UBN2: variants seen among roughly 807,000 people sequenced by gnomAD.
UBN2 encodes ubinuclein-2.
In UBN2, 35 loss-of-function variants were observed where a neutral mutation model predicts 120.2. The ratio of observed to expected loss-of-function variants is 0.29; its 90% CI spans 0.22 to 0.39. The LOEUF (loss-of-function observed/expected upper bound fraction) is 0.39, where lower values mean the gene tolerates loss of function less well. Ranked by LOEUF, UBN2 falls within the 10% of genes least tolerant of loss-of-function variation. UBN2 has a pLI of 1.00. For missense variants in UBN2, 1,693 were observed against 1,663.2 expected, an observed-to-expected ratio of 1.02 and a Z score of -0.31; for synonymous variants, 661 against 648.7, an observed-to-expected ratio of 1.02 and a Z score of -0.29.
At chr7:139,240,445 TA>T (rs1162175484) in intron 2 of UBN2, among the ~76,000 whole-genome samples, 113 of 40,686 alleles carry the variant, frequency 2.8e-3, no homozygotes, top group Non-Finnish European at 5.3e-3. Flanking sequence ...TATATATATA[TA>T]TATATATATT....
chr7:139,290,032 T>G (rs1797906976), intron 15 of UBN2, among the ~76,000 whole-genome samples: 1 of 152,178 alleles, frequency 6.6e-6, no homozygotes. Flanking sequence ...TAGCTGGGAT[T>G]ACAGGCATGC....
At chr7:139,276,289 T>C (rs751434925) in intron 12 of UBN2, 142 bp downstream of exon 12, 75 of 775,956 alleles carry the variant, frequency 9.7e-5, no homozygotes, top group Non-Finnish European at 1.6e-4. Flanking sequence ...TCAGAACACA[T>C]TTATCTATTG....
At chr7:139,317,037 A>G in the UBN2 span, among the ~76,000 whole-genome samples, 1 of 151,244 alleles carries the variant, frequency 6.6e-6, no homozygotes, top group Non-Finnish European at 1.5e-5. Flanking sequence ...GGTTCAAGCA[A>G]TTCTCCCACC....
intron 3 of UBN2, among the ~76,000 whole-genome samples, chr7:139,255,475 A>G (rs554302284): frequency 6.6e-6 from 1 of 152,326 alleles, no homozygotes; most frequent in Non-Finnish European, 1.5e-5. Flanking sequence ...TTCTGTTTTA[A>G]TAAGTCAGGA....
At chr7:139,276,462 C>T in intron 12 of UBN2, 1 of 363,368 alleles carries the variant, frequency 2.8e-6, no homozygotes, top group Non-Finnish European at 5.1e-6. Flanking sequence ...TGTCCATCTG[C>T]ATTTGTAATC....
rs1585001478 is a variant in UBN2 at position 139,259,467 on chromosome 7, T to C, written c.905+97T>C. ...TTACCATTAACTAATTCAACCTAGC[T>C]GAGTCTAATTTAGTACGTTATTGAC... On this transcript the variant is annotated intron_variant, in intron 5 of 17. Transcript: ENST00000473989. The C allele has an allele frequency of 6.7e-6, 10 of 1,489,664 alleles. No individual in the cohort carries two copies. In the East Asian group the frequency reaches 2.4e-4, roughly 35 times the overall value. 92.3% of individuals were successfully genotyped at this position (1,489,664 alleles called of 1,614,324 possible). A position where few individuals can be genotyped will look rare whatever the true frequency, so the allele number is the denominator to read the frequency against.
intron 9 of UBN2, 147 bp downstream of exon 9, chr7:139,272,587 TA>T: frequency 3.3e-6 from 2 of 611,566 alleles, no homozygotes; most frequent in Admixed American, 6.6e-5. Context: ...AGTGGAATGG[TA>T]CGATTTCGGC....
intron 16 of UBN2, 167 bp downstream of exon 16, chr7:139,293,630 A>T: frequency 1.5e-6 from 1 of 662,432 alleles, no homozygotes; most frequent in South Asian, 2.1e-5. Flanking sequence ...ATTATTGGAC[A>T]CTGGGGTTTT....
chr7:139,283,496 A>G lies in UBN2; in HGVS notation c.2591A>G (p.Asn864Ser). 1.2e-6 allele frequency: 2 copies of G among 1,614,058 alleles called. No individual in the cohort carries two copies. Among genetic ancestry groups the G allele is most frequent in the Non-Finnish European group, 1.7e-6 (2 of 1,180,026 alleles). The change falls in exon 15 of 18, where the codon AAC (asparagine) becomes AGC (serine). Residue 864 changes from asparagine to serine, a missense_variant. Physicochemically the swap from Asn to Ser is conservative, Grantham distance 46 (BLOSUM62 1). This residue lies in a region of UBN2 where 837 missense variants were observed against 817.6 expected (regional missense o/e 1.02). Transcript: ENST00000473989. ...CTTATTGCTGGTTCTTCCATTCAGA[A>G]CCCTAAAGTTTCTTTAGAACCTTTG... ...SGLIAGSSIQ[N>S]PKVSLEPLPA...
In UBN2 at chr7:139,284,213, A is replaced by G. The variant is rs1797709059; in HGVS notation, c.3308A>G (p.His1103Arg). ...AATGCACTAGTTGCCCAGGGTAGCC[A>G]CTCCAGCACTAACAGCCCAGTCCAT... is the stretch of plus-strand genomic sequence containing the variant. ...SPNALVAQGS[H>R]SSTNSPVHKQ... Residue 1103 changes from histidine to arginine, a missense_variant, in exon 15 of 18, where the codon CAC becomes CGC. By Grantham distance (29) the His-to-Arg change is conservative (BLOSUM62 0). This residue lies in a region of UBN2 where 837 missense variants were observed against 817.6 expected (regional missense o/e 1.02). Transcript: ENST00000473989. 2 of 1,613,744 alleles carry G rather than the reference A, an allele frequency of 1.2e-6. No homozygotes were observed. Among genetic ancestry groups the G allele is most frequent in the Non-Finnish European group, 1.7e-6 (2 of 1,179,992 alleles).
At chr7:139,320,603 A>G in the UBN2 span, among the ~76,000 whole-genome samples, 17 of 152,142 alleles carry the variant, frequency 1.1e-4, no homozygotes, top group African/African-American at 4.1e-4. Flanking sequence ...CATGCCTGTA[A>G]TCCCAACACT....
At chr7:139,311,772 A>G (rs1479595840), downstream of UBN2, among the ~76,000 whole-genome samples, 1 of 152,214 alleles carries the variant, frequency 6.6e-6, no homozygotes, top group Admixed American at 6.5e-5. Flanking sequence ...GCATAGATAG[A>G]TAGCAGTTAA....
downstream of UBN2, among the ~76,000 whole-genome samples, chr7:139,310,499 C>T (rs189898176): frequency 6.6e-6 from 1 of 152,250 alleles, no homozygotes; most frequent in Admixed American, 6.5e-5. Flanking sequence ...TGGCTAGGCA[C>T]AGTGGTCATG....
chr7:139,259,503 C>CT (rs1796867228), intron 5 of UBN2, 133 bp downstream of exon 5: 1 of 1,217,566 alleles, frequency 8.2e-7, no homozygotes, highest in East Asian at 2.6e-5. Context: ...ATATTAGTGA[C>CT]TTATGTTTAA....
At position 139,261,737 on chromosome 7, in the gene UBN2, G is replaced by A. The variant is rs750467600; in HGVS notation, c.1391G>A (p.Arg464His). The A allele has an allele frequency of 4.4e-6, 7 of 1,607,410 alleles. No individual in the cohort carries two copies. Among genetic ancestry groups the A allele is most frequent in the South Asian group, 1.1e-5 (1 of 90,926 alleles). The change falls in exon 6 of 18, where the codon CGT becomes CAT. Residue 464 changes from arginine (R) to histidine (H), a missense_variant. Coordinates refer to ENST00000473989, the MANE Select transcript of UBN2 (RefSeq NM_173569.4). ...VLLEKRIEDL[R>H]VAAKLFDEEG... The stretch of plus-strand genomic sequence containing the variant: ...CTTGAAAAACGTATCGAAGACCTTC[G>A]TGTAGTAAGTGTAATAATTCTCTTG...
chr7:139,290,616 G>C (rs1797925670), intron 15 of UBN2, among the ~76,000 whole-genome samples: 1 of 152,226 alleles, frequency 6.6e-6, no homozygotes. Flanking sequence ...GATATGTCAA[G>C]TTGGTGCTAG....
At chr7:139,279,105 ATGTTTTACTAGT>A (rs1563220464) in intron 12 of UBN2, among the ~76,000 whole-genome samples, 1 of 152,032 alleles carries the variant, frequency 6.6e-6, no homozygotes, top group African/African-American at 2.4e-5. Context: ...TCTACATTTC[ATGTTTTACTAGT>A]TGTTTGGCCT....
chr7:139,289,414 C>CTTTTTTTTTTATTTTTTTTTTTTTT (rs1797880733), intron 15 of UBN2, among the ~76,000 whole-genome samples: 1 of 125,838 alleles, frequency 7.9e-6, no homozygotes, highest in African/African-American at 3.1e-5. Flanking sequence ...TTACATTTTG[C>CTTTTTTTTTTATTTTTTTTTTTTTT]TTTTTTTTTT....
Position 139,266,305 on chromosome 7 carries a change from TTTATTATCA to T in UBN2, c.1396-26_1396-18del, listed in dbSNP as rs779863782. ...AAAATAGAGTAATGGCCTATTTTGATTTATTATCATCTTTCTTGTTTCTTTAGGCTGCCA... is the reference window on the plus strand; with the variant it reads ...AAAATAGAGTAATGGCCTATTTTGATTCTTTCTTGTTTCTTTAGGCTGCCA... On this transcript the variant is annotated intron_variant, in intron 6 of 17. Coordinates refer to ENST00000473989, the MANE Select transcript of UBN2 (RefSeq NM_173569.4). 3.4e-6 allele frequency: 5 copies of T among 1,468,544 alleles called. No individual in the cohort carries two copies. Among genetic ancestry groups the T allele is most frequent in the Non-Finnish European group, 4.7e-6 (5 of 1,064,724 alleles). The allele number at this position is 1,468,544 out of a possible 1,614,324, so 91.0% of individuals were successfully genotyped here. A position where few individuals can be genotyped will look rare whatever the true frequency, so the allele number is the denominator to read the frequency against.
Sources: gnomAD v4.1 joint callset for allele counts (sites outside exome capture counted in the v4.1 genomes callset) on GRCh38, gnomAD v4.1.1 for gene constraint, gnomAD v4.1.1 regional missense constraint, MANE v1.5 for transcripts, NCBI Gene and HGNC (gene_info 2026-07-23, HGNC 2026-07-21) for gene names.